ANKRD28: variants seen among roughly 807,000 people sequenced by gnomAD.
ANKRD28 encodes the protein ankyrin repeat domain 28.
Under a neutral mutation model 126.5 loss-of-function variants are expected in ANKRD28, and 44 were observed. That is an observed-to-expected ratio of 0.35 (90% CI 0.27 to 0.45). ANKRD28 has a LOEUF of 0.45. Among genes scored for constraint, ANKRD28 ranks in the 20% least tolerant of loss-of-function variants. ANKRD28 has a pLI of 1.00. For synonymous variants in ANKRD28, 442 were observed against 468.5 expected (o/e 0.94, Z 0.73); for missense variants, 1,110 against 1,316.6 (o/e 0.84, Z 2.43).
chr3:15,760,782 AT>A (rs1490219853), intron 3 of ANKRD28, among the ~76,000 whole-genome samples: 1 of 152,230 alleles, frequency 6.6e-6, no homozygotes, highest in Non-Finnish European at 1.5e-5. Flanking sequence ...TAGGATAAAC[AT>A]GACTTAAAAT....
chr3:15,813,197 C>T (rs921720081), intron 1 of ANKRD28, among the ~76,000 whole-genome samples: 2 of 151,972 alleles, frequency 1.3e-5, no homozygotes, highest in African/African-American at 4.8e-5. Flanking sequence ...ACAACCCCAT[C>T]TCTACTAAAA....
At chr3:15,785,970 A>G (rs569672308) in intron 2 of ANKRD28, among the ~76,000 whole-genome samples, 1 of 152,110 alleles carries the variant, frequency 6.6e-6, no homozygotes, top group Non-Finnish European at 1.5e-5. Context: ...TTCCAACTAT[A>G]TGACATTTTG....
intron 2 of ANKRD28, among the ~76,000 whole-genome samples, chr3:15,777,271 CAAAA>C (rs148444429): frequency 7.2e-5 from 8 of 111,642 alleles, no homozygotes; most frequent in South Asian, 2.8e-4. Context: ...GACTCCGTCT[CAAAA>C]AAAAAAAAAA....
At chr3:15,712,098 G>T in intron 11 of ANKRD28, 42 bp downstream of exon 11, 1 of 1,472,976 alleles carries the variant, frequency 6.8e-7, no homozygotes, top group Non-Finnish European at 9.3e-7. Context: ...AATTTTGAGG[G>T]GTTTGAGGAG....
Position 15,814,391 on chromosome 3 carries a change from C to A in ANKRD28, c.28-19085G>T. On this transcript the variant is annotated intron_variant, in intron 1 of 27. Transcript: ENST00000399451. This position sits in a 1 kb window ranked among gnomAD's most constrained non-coding sequence, Gnocchi z 4.7. Reference sequence around the variant, plus strand: ...CTATGTTATTTATAAATAACTAGTACCTTAACAAAACATTGAATTATTGGA... The same window carrying A: ...CTATGTTATTTATAAATAACTAGTAACTTAACAAAACATTGAATTATTGGA... 3.1e-6 allele frequency: 2 copies of A among 637,556 alleles called. No homozygotes were observed. Among genetic ancestry groups the A allele is most frequent in the Non-Finnish European group, 2.2e-6 (1 of 454,040 alleles). 39.5% of individuals were successfully genotyped at this position (637,556 alleles called of 1,614,324 possible). A position where few individuals can be genotyped will look rare whatever the true frequency, so the allele number is the denominator to read the frequency against.
intron 3 of ANKRD28, among the ~76,000 whole-genome samples, chr3:15,762,224 A>AAAAAAAAAAC (rs2058521761): frequency 1.9e-5 from 2 of 107,652 alleles, no homozygotes; most frequent in African/African-American, 6.8e-5. Flanking sequence ...CAAAACAAAA[A>AAAAAAAAAAC]AAAAAAAACT....
At chr3:15,728,386 T>C (rs1012119343) in intron 6 of ANKRD28, among the ~76,000 whole-genome samples, 6 of 152,182 alleles carry the variant, frequency 3.9e-5, no homozygotes, top group Non-Finnish European at 7.3e-5. Flanking sequence ...CTCAAACTCC[T>C]AGATTCAGGT....
intron 1 of ANKRD28, among the ~76,000 whole-genome samples, chr3:15,824,225 G>T (rs548970710): frequency 6.6e-5 from 10 of 152,324 alleles, no homozygotes; most frequent in South Asian, 6.2e-4. Flanking sequence ...CGCCATCTCA[G>T]CTCACTGCAA....
chr3:15,738,303 C>T (rs943769625), intron 4 of ANKRD28, among the ~76,000 whole-genome samples: 4 of 152,096 alleles, frequency 2.6e-5, no homozygotes, highest in South Asian at 2.1e-4. Context: ...ATGCCCAAGC[C>T]GCAAAACCAG....
chr3:15,714,112 A>T (rs1472038404), intron 9 of ANKRD28, among the ~76,000 whole-genome samples: 2 of 152,208 alleles, frequency 1.3e-5, no homozygotes, highest in Non-Finnish European at 2.9e-5. Context: ...ATTTAAAGTA[A>T]TACACCTAAA....
chr3:15,796,919 A>C lies in ANKRD28; in HGVS notation c.-398T>G. 1 of 986,092 alleles carries C rather than the reference A, an allele frequency of 1.0e-6. No homozygotes were observed. The highest frequency in any genetic ancestry group is 1.7e-5 in the African/African-American group (1 of 57,364). 61.1% of individuals were successfully genotyped at this position (986,092 alleles called of 1,614,324 possible). On this transcript the variant is annotated 5_prime_UTR_variant, in exon 1 of 28. The change creates a new upstream start codon in the 5' untranslated region. Coordinates refer to ENST00000683139, the MANE Select transcript of ANKRD28 (RefSeq NM_001349278.2). ...TGTTTTTGGTGACACAACACCACAC[A>C]ATATAGAATGAAATGAGAAACAACT...
intron 21 of ANKRD28, among the ~76,000 whole-genome samples, chr3:15,682,547 G>A (rs988594281): frequency 2.0e-5 from 3 of 152,124 alleles, no homozygotes; most frequent in Non-Finnish European, 4.4e-5. Flanking sequence ...ATTTTTTAAA[G>A]GAATAATAAG....
At chr3:15,694,851 TA>T in intron 16 of ANKRD28, 38 bp from the exon 17 acceptor site, 1 of 1,580,074 alleles carries the variant, frequency 6.3e-7, no homozygotes, top group Middle Eastern at 1.7e-4. Flanking sequence ...CAGAAAGACA[TA>T]CTACAGCAAT....
intron 4 of ANKRD28, among the ~76,000 whole-genome samples, chr3:15,742,293 A>C (rs561667332): frequency 6.7e-6 from 1 of 149,528 alleles, no homozygotes; most frequent in East Asian, 2.0e-4. Context: ...GGAAGTGAGG[A>C]GCGCCTCTTC....
chr3:15,742,896 C>A (rs1033195719), intron 4 of ANKRD28, among the ~76,000 whole-genome samples: 2 of 149,210 alleles, frequency 1.3e-5, no homozygotes, highest in African/African-American at 5.0e-5. Context: ...TCATTGAGAA[C>A]GGGCCATGAT....
In ANKRD28 at chr3:15,777,849, TACACACACACACACACACAC is replaced by T. The variant is rs569761948; in HGVS notation, c.202-11557_202-11538del. Among the ~76,000 whole-genome samples, 25 of 106,194 alleles carry T rather than the reference TACACACACACACACACACAC, an allele frequency of 2.4e-4. No individual in the cohort carries two copies. In the South Asian group the frequency reaches 3.3e-3, roughly 14 times the overall value. The allele number at this position is 106,194 out of a possible 152,430, so 69.7% of individuals were successfully genotyped here. A position where few individuals can be genotyped will look rare whatever the true frequency, so the allele number is the denominator to read the frequency against. ...ACTGCTCCCATCACCAAAACCAAAC[TACACACACACACACACACAC>T]ACACACACACACACACACACACACA... is the stretch of plus-strand genomic sequence containing the variant. On this transcript the variant is annotated intron_variant, in intron 2 of 27. Coordinates refer to ENST00000683139, the MANE Select transcript of ANKRD28 (RefSeq NM_001349278.2).
chr3:15,722,365 G>A (rs1365733387), intron 7 of ANKRD28, among the ~76,000 whole-genome samples: 1 of 152,186 alleles, frequency 6.6e-6, no homozygotes, highest in Non-Finnish European at 1.5e-5. Context: ...CTGATGCCAG[G>A]GAAGAACAGT....
At position 15,675,977 on chromosome 3, in the gene ANKRD28, A is replaced by C. The variant is rs1341583398; in HGVS notation, c.2886T>G (p.Val962=). The change falls in exon 27 of 28, where the codon GTT becomes GTG. Residue 962 remains valine (V), a synonymous_variant. Transcript: ENST00000683139. ...CCATTGTTAGCCCATTTCGGGCAGCAACATGCAGAGGTCTAGGGGAAAAAA... is the reference window on the plus strand; with the variant it reads ...CCATTGTTAGCCCATTTCGGGCAGCCACATGCAGAGGTCTAGGGGAAAAAA... The part of the protein sequence containing the change: ...TNAALQTPLH[V]AARNGLTMVV... The C allele has an allele frequency of 1.2e-6, 2 of 1,612,810 alleles. No individual in the cohort carries two copies. Among genetic ancestry groups the C allele is most frequent in the Non-Finnish European group, 8.5e-7 (1 of 1,179,164 alleles).
At chr3:15,835,533 A>C (rs889176921) in intron 1 of ANKRD28, among the ~76,000 whole-genome samples, 45 of 152,248 alleles carry the variant, frequency 3.0e-4, no homozygotes, top group African/African-American at 1.1e-3. Context: ...CTCATCTTTG[A>C]AAAGTCCTTT....
Sources: gnomAD v4.1 joint callset for allele counts (sites outside exome capture counted in the v4.1 genomes callset) on GRCh38, gnomAD v4.1.1 for gene constraint, Gnocchi (gnomAD v3.1) non-coding constraint, MANE v1.5 for transcripts, NCBI Gene and HGNC (gene_info 2026-07-23, HGNC 2026-07-21) for gene names.